GUCY2C: variants seen among roughly 807,000 people sequenced by gnomAD.
GUCY2C encodes the protein guanylyl cyclase C.
Under a neutral mutation model 131.1 loss-of-function variants are expected in GUCY2C, and 118 were observed. The observed-to-expected ratio is 0.90, with a 90% CI of 0.78 to 1.05. GUCY2C has a LOEUF of 1.05. Ranked by LOEUF, GUCY2C falls within the 50% of genes least tolerant of loss-of-function variation. The probability of loss-of-function intolerance (pLI) is 0.00; values close to 1 mark genes in which losing one functional copy is unlikely to be tolerated. For missense variants in GUCY2C, 1,161 were observed against 1,304.4 expected, an observed-to-expected ratio of 0.89 and a Z score of 1.69; for synonymous variants, 452 against 457.8, an observed-to-expected ratio of 0.99 and a Z score of 0.16.
At chr12:14,694,645 A>G (rs1197867188) in intron 1 of GUCY2C, among the ~76,000 whole-genome samples, 1 of 152,230 alleles carries the variant, frequency 6.6e-6, no homozygotes, top group Non-Finnish European at 1.5e-5. Context: ...TTGTTCCATT[A>G]TGGCTCTAGA....
chr12:14,625,713 T>A lies in GUCY2C; in HGVS notation c.2408+44A>T, dbSNP rs376180651. The A allele has an allele frequency of 6.7e-5, 107 of 1,593,666 alleles. 1 individual carries two copies. The highest frequency in any genetic ancestry group is 8.7e-5 in the Non-Finnish European group (101 of 1,164,236). Reference sequence around the variant, plus strand: ...CCTATATAGATACAATGAAAAGCAATGCTAGAGGGATTTCAGCCTCCACAT... The same window carrying A: ...CCTATATAGATACAATGAAAAGCAAAGCTAGAGGGATTTCAGCCTCCACAT... On this transcript the variant is annotated intron_variant, in intron 21 of 26. Coordinates refer to ENST00000261170, the MANE Select transcript of GUCY2C (RefSeq NM_004963.4).
At chr12:14,641,028 AG>A in intron 18 of GUCY2C, 53 bp downstream of exon 18, 1 of 1,572,142 alleles carries the variant, frequency 6.4e-7, no homozygotes, top group East Asian at 2.2e-5. Context: ...CAGTAAGCCT[AG>A]AAAGCAGGTT....
chr12:14,644,564 A>G (rs1213507776), intron 16 of GUCY2C, among the ~76,000 whole-genome samples: 1 of 152,106 alleles, frequency 6.6e-6, no homozygotes, highest in East Asian at 1.9e-4. Context: ...GACTGTATCA[A>G]ACAGCTCCCT....
rs544670493 is a variant in GUCY2C, at chr12:14,646,055, C to T, written c.1711-740G>A. Among the ~76,000 whole-genome samples, 12 of 152,148 alleles carry T rather than the reference C, an allele frequency of 7.9e-5. No homozygotes were observed. In the South Asian group the frequency reaches 1.2e-3, roughly 16 times the overall value. ...TTCGCTACGTTGGCCAGGCTGATCT[C>T]GAACTCCTGGCCTCAAGCAATCTGC... On this transcript the variant is annotated intron_variant, in intron 15 of 26. Coordinates refer to ENST00000261170, the MANE Select transcript of GUCY2C (RefSeq NM_004963.4).
chr12:14,625,620 T>C, intron 21 of GUCY2C, 137 bp downstream of exon 21: 2 of 840,600 alleles, frequency 2.4e-6, no homozygotes, highest in East Asian at 2.5e-5. Flanking sequence ...GGCGTGAGCC[T>C]CCGTGCCTGG....
intron 19 of GUCY2C, among the ~76,000 whole-genome samples, chr12:14,634,866 G>T (rs1947228718): frequency 1.3e-5 from 2 of 152,044 alleles, no homozygotes; most frequent in South Asian, 4.2e-4. Context: ...AGAGACAAAG[G>T]TCATAGGTCA....
At chr12:14,627,743 A>C (rs1161955681) in intron 20 of GUCY2C, among the ~76,000 whole-genome samples, 1 of 152,110 alleles carries the variant, frequency 6.6e-6, no homozygotes, top group African/African-American at 2.4e-5. Flanking sequence ...GTCACATATA[A>C]AGTCTCATCC....
In GUCY2C at chr12:14,637,665, G is replaced by T. The variant is rs571096426; in HGVS notation, c.2157+2197C>A. ...TACAGACAACTGATTTTCAACAACG[G>T]CTCCAAGAACATACAATGGGGAAAG... On this transcript the variant is annotated intron_variant, in intron 19 of 26. Coordinates refer to ENST00000261170, the MANE Select transcript of GUCY2C (RefSeq NM_004963.4). Among the ~76,000 whole-genome samples, 3 of 151,966 alleles carry T rather than the reference G, an allele frequency of 2.0e-5. No homozygotes were observed. The East Asian group carries it at 5.8e-4, about 29-fold the overall frequency.
rs775095223 is a variant in GUCY2C, at chr12:14,643,710, T to A, written c.1798-4A>T. 1.9e-6 allele frequency: 3 copies of A among 1,609,444 alleles called. No homozygotes were observed. Among genetic ancestry groups the A allele is most frequent in the Non-Finnish European group, 2.5e-6 (3 of 1,178,048 alleles). The stretch of plus-strand genomic sequence containing the variant: ...TGGAGTGCAGATATGACATTCCCTG[T>A]AATTTTTTAGATGATAGAAAAACAG... On this transcript the variant is annotated splice_region_variant and splice_polypyrimidine_tract_variant and intron_variant, in intron 16 of 26. Coordinates refer to ENST00000261170, the MANE Select transcript of GUCY2C (RefSeq NM_004963.4).
intron 4 of GUCY2C, among the ~76,000 whole-genome samples, chr12:14,681,868 C>G (rs1948354171): frequency 6.6e-6 from 1 of 152,136 alleles, no homozygotes; most frequent in Non-Finnish European, 1.5e-5. Flanking sequence ...CTGCTCTGCT[C>G]TATAAACTAG....
chr12:14,665,642 T>A (rs949217048), intron 10 of GUCY2C: 2 of 152,240 alleles, frequency 1.3e-5, no homozygotes, highest in African/African-American at 4.8e-5. Flanking sequence ...AAGCAGATGC[T>A]GAGGACTTGG....
intron 10 of GUCY2C, among the ~76,000 whole-genome samples, chr12:14,667,646 G>C (rs1186143552): frequency 2.0e-5 from 3 of 152,152 alleles, no homozygotes; most frequent in Non-Finnish European, 4.4e-5. Flanking sequence ...TCTGGCTGTA[G>C]AGCGGGGCTG....
chr12:14,627,955 G>GA (rs983647599), intron 20 of GUCY2C, among the ~76,000 whole-genome samples: 6 of 152,040 alleles, frequency 3.9e-5, no homozygotes, highest in African/African-American at 1.4e-4. Flanking sequence ...GAAAGACCTG[G>GA]AAAAAATCAT....
At chr12:14,652,478 A>G (rs1947683519) in intron 13 of GUCY2C, among the ~76,000 whole-genome samples, 1 of 152,112 alleles carries the variant, frequency 6.6e-6, no homozygotes, top group African/African-American at 2.4e-5. Flanking sequence ...CCCAGCCTTG[A>G]CTGATGTTTA....
At chr12:14,661,251 C>G (rs1389648177) in intron 10 of GUCY2C, among the ~76,000 whole-genome samples, 189 bp from the exon 11 acceptor site, 1 of 152,030 alleles carries the variant, frequency 6.6e-6, no homozygotes, top group Non-Finnish European at 1.5e-5. Context: ...TGGCATTGTA[C>G]CCAGGGAAAG....
At position 14,643,573 on chromosome 12, in the gene GUCY2C, C is replaced by T. The variant is rs1371164248; in HGVS notation, c.1930+1G>A. ...TAGTGAACATTTCATTCATTACAGACCCTTTTTTGGAGGTAAAATGGAATT... is the reference window on the plus strand; with the variant it reads ...TAGTGAACATTTCATTCATTACAGATCCTTTTTTGGAGGTAAAATGGAATT... On this transcript the variant is annotated splice_donor_variant, in intron 17 of 26. Coordinates refer to ENST00000261170, the MANE Select transcript of GUCY2C (RefSeq NM_004963.4). LOFTEE classifies it high-confidence loss of function. 1 of 1,613,690 alleles carries T rather than the reference C, an allele frequency of 6.2e-7. No homozygotes were observed. Among genetic ancestry groups the T allele is most frequent in the Non-Finnish European group, 8.5e-7 (1 of 1,179,688 alleles).
Position 14,619,279 on chromosome 12 carries a change from T to C in GUCY2C, c.2807A>G (p.Lys936Arg). Reference protein sequence around the residue: ...GPCAAGVVGIKMPRYCLFGDT... With the variant: ...GPCAAGVVGIRMPRYCLFGDT... ...TCCAAATAGACAATAACGAGGCATC[T>C]TGATTCCCACAACTCCAGCAGCACA... The change falls in exon 24 of 27, where the codon AAG (lysine) becomes AGG (arginine). Residue 936 changes from lysine to arginine, a missense_variant. By Grantham distance (26) the Lys-to-Arg change is conservative. Coordinates refer to ENST00000261170, the MANE Select transcript of GUCY2C (RefSeq NM_004963.4). 1.2e-6 allele frequency: 2 copies of C among 1,612,738 alleles called. No homozygotes were observed. The highest frequency in any genetic ancestry group is 1.1e-5 in the South Asian group (1 of 91,046).
At chr12:14,631,277 A>C (rs1415016505) in intron 19 of GUCY2C, among the ~76,000 whole-genome samples, 4 of 152,038 alleles carry the variant, frequency 2.6e-5, no homozygotes, top group Non-Finnish European at 5.9e-5. Flanking sequence ...CATGTGCACA[A>C]TGTGCAGGTT....
chr12:14,651,411 A>T lies in GUCY2C; in HGVS notation c.1706T>A (p.Leu569His). 1 of 1,466,828 alleles carries T rather than the reference A, an allele frequency of 6.8e-7. No individual in the cohort carries two copies. The highest frequency in any genetic ancestry group is 9.6e-7 in the Non-Finnish European group (1 of 1,046,918). The allele number at this position is 1,466,828 out of a possible 1,614,324, so 90.9% of individuals were successfully genotyped here. ...GVIEYCERGS[L>H]REVLNDTISY... ...GAAATGACCATGGTTTCTTACCCGG[A>T]GGGATCCTCTCTCACAGTATTCTAT... is the stretch of plus-strand genomic sequence containing the variant. Residue 569 changes from leucine to histidine, a missense_variant, in exon 15 of 27, where the codon CTC (leucine) becomes CAC (histidine). Coordinates refer to ENST00000261170, the MANE Select transcript of GUCY2C (RefSeq NM_004963.4).
Sources: gnomAD v4.1 joint callset for allele counts (sites outside exome capture counted in the v4.1 genomes callset) on GRCh38, gnomAD v4.1.1 for gene constraint, MANE v1.5 for transcripts, NCBI Gene and HGNC (gene_info 2026-07-23, HGNC 2026-07-21) for gene names.